Variants in IGSF10 observed in about 807,000 individuals in gnomAD.
The protein encoded by IGSF10 is immunoglobulin superfamily member 10, also known as calvaria mechanical force protein 608.
In IGSF10, 126 loss-of-function variants were observed where a neutral mutation model predicts 128.2. That is an observed-to-expected ratio of 0.98 (90% CI 0.85 to 1.14). IGSF10 has a LOEUF of 1.14. Among genes scored for constraint, IGSF10 ranks in the 50% most tolerant of loss-of-function variants. The probability of loss-of-function intolerance (pLI) is 0.00; values close to 1 mark genes in which losing one functional copy is unlikely to be tolerated. For synonymous variants in IGSF10, 1,185 were observed against 1,146.2 expected, an observed-to-expected ratio of 1.03 and a Z score of -0.68; for missense variants, 3,295 against 3,149.8, an observed-to-expected ratio of 1.05 and a Z score of -1.10.
upstream of IGSF10, among the ~76,000 whole-genome samples, chr3:151,465,243 T>C (rs1722238696): frequency 1.3e-5 from 2 of 152,292 alleles, no homozygotes; most frequent in East Asian, 3.9e-4. Context: ...CCAAGGATCC[T>C]AGGAAAGCCA....
At chr3:151,602,489 T>C in the IGSF10 span, among the ~76,000 whole-genome samples, 1 of 152,202 alleles carries the variant, frequency 6.6e-6, no homozygotes, top group Admixed American at 6.5e-5. Context: ...AATAGTGACA[T>C]GGTAATTTTT....
the IGSF10 span, among the ~76,000 whole-genome samples, chr3:151,526,456 CATTTT>C: frequency 4.0e-5 from 6 of 151,880 alleles, no homozygotes; most frequent in African/African-American, 1.5e-4. Context: ...AATGTTGCAT[CATTTT>C]ATTTTTTAAT....
In IGSF10 at chr3:151,456,977, A is replaced by C. The variant is rs776150460; in HGVS notation, c.324+49T>G. The C allele has an allele frequency of 1.1e-5, 18 of 1,601,286 alleles. No individual in the cohort carries two copies. In the East Asian group the frequency reaches 3.8e-4, roughly 34 times the overall value. ...GGCAGCCTTTGAAGGTCTATCTCAC[A>C]GGTCCCACCTTACCTCTTTAACCTG... is the stretch of plus-strand genomic sequence containing the variant. On this transcript the variant is annotated intron_variant, in intron 4 of 7. Transcript: ENST00000282466.
chr3:151,616,887 TGA>T, the IGSF10 span, among the ~76,000 whole-genome samples: 1 of 152,120 alleles, frequency 6.6e-6, no homozygotes, highest in Non-Finnish European at 1.5e-5. Context: ...AGTTCAAGGT[TGA>T]GGGGTGGCAT....
At chr3:151,544,774 G>A in the IGSF10 span, among the ~76,000 whole-genome samples, 6 of 151,006 alleles carry the variant, frequency 4.0e-5, no homozygotes, top group African/African-American at 4.9e-5. Context: ...TTATGCATGC[G>A]ATAGGCCCTT....
At chr3:151,483,559 C>A in the IGSF10 span, among the ~76,000 whole-genome samples, 1 of 152,092 alleles carries the variant, frequency 6.6e-6, no homozygotes, top group Middle Eastern at 3.2e-3. Flanking sequence ...TCTGTAGCTC[C>A]CATCAAGATC....
chr3:151,588,150 T>C, the IGSF10 span, among the ~76,000 whole-genome samples: 1 of 152,208 alleles, frequency 6.6e-6, no homozygotes, highest in African/African-American at 2.4e-5. Flanking sequence ...CAAATAATAG[T>C]GTATCAATTA....
At chr3:151,501,447 C>T in the IGSF10 span, among the ~76,000 whole-genome samples, 1 of 53,282 alleles carries the variant, frequency 1.9e-5, no homozygotes, top group East Asian at 6.8e-4. Context: ...TAGTATAAAG[C>T]TTGGTATGCG....
chr3:151,605,098 C>G, the IGSF10 span, among the ~76,000 whole-genome samples: 4 of 152,100 alleles, frequency 2.6e-5, no homozygotes, highest in Non-Finnish European at 5.9e-5. Flanking sequence ...GCTTAGGGGC[C>G]ATTTAAAAGG....
chr3:151,612,686 G>C, the IGSF10 span, among the ~76,000 whole-genome samples: 395 of 152,238 alleles, frequency 2.6e-3, 1 homozygote, highest in African/African-American at 9.2e-3. Context: ...TGGGCATACA[G>C]ACTGTAATAA....
the IGSF10 span, among the ~76,000 whole-genome samples, chr3:151,550,782 T>C: frequency 6.6e-6 from 1 of 152,198 alleles, no homozygotes; most frequent in Admixed American, 6.5e-5. Flanking sequence ...ATTGTGTCCA[T>C]GTACCCTGGA....
chr3:151,441,121 A>G (rs1720825767), intron 7 of IGSF10, among the ~76,000 whole-genome samples: 1 of 152,216 alleles, frequency 6.6e-6, no homozygotes, highest in Admixed American at 6.5e-5. Context: ...TGCTAATGCT[A>G]CTGGTAGGGG....
chr3:151,520,319 T>C, the IGSF10 span, among the ~76,000 whole-genome samples: 36 of 152,004 alleles, frequency 2.4e-4, no homozygotes, highest in African/African-American at 8.7e-4. Context: ...TTTATTAGCA[T>C]ATCTTGGCTA....
At chr3:151,456,952 G>C in intron 4 of IGSF10, 74 bp downstream of exon 4, 2 of 1,456,016 alleles carry the variant, frequency 1.4e-6, no homozygotes, top group Non-Finnish European at 1.9e-6. Flanking sequence ...TGTAGAGATA[G>C]GCAGCCTTTG....
the IGSF10 span, among the ~76,000 whole-genome samples, chr3:151,550,819 G>A: frequency 1.3e-5 from 2 of 152,088 alleles, no homozygotes; most frequent in Non-Finnish European, 2.9e-5. Context: ...CTTGCTGTCT[G>A]TTGGCCCTTC....
At chr3:151,618,359 G>A in the IGSF10 span, among the ~76,000 whole-genome samples, 1 of 152,174 alleles carries the variant, frequency 6.6e-6, no homozygotes, top group Non-Finnish European at 1.5e-5. Context: ...TGATTAAGAT[G>A]CTAAAATGTT....
the IGSF10 span, among the ~76,000 whole-genome samples, chr3:151,520,727 G>A: frequency 1.3e-5 from 2 of 151,700 alleles, no homozygotes; most frequent in African/African-American, 4.8e-5. Context: ...GATCTTGAAA[G>A]GATCACTAAA....
At chr3:151,483,429 A>G in the IGSF10 span, among the ~76,000 whole-genome samples, 1 of 152,220 alleles carries the variant, frequency 6.6e-6, no homozygotes, top group South Asian at 2.1e-4. Context: ...ACTACAGCAG[A>G]TATACAAACA....
At chr3:151,539,274 GAGA>G in the IGSF10 span, among the ~76,000 whole-genome samples, 3 of 152,178 alleles carry the variant, frequency 2.0e-5, no homozygotes, top group African/African-American at 7.2e-5. Context: ...TGTAACCCGA[GAGA>G]AGACCAGATG....
Sources: allele counts gnomAD v4.1 joint callset (sites outside exome capture counted in the v4.1 genomes callset), GRCh38; gene constraint gnomAD v4.1.1; transcripts MANE v1.5; gene names NCBI Gene and HGNC (gene_info 2026-07-23, HGNC 2026-07-21).